The following UFSP2 variants were observed in gnomAD, a reference collection of about 807,000 sequenced individuals.
The protein encoded by UFSP2 is ufm1-specific protease 2.
A neutral mutation model predicts 60.2 loss-of-function variants in UFSP2; 43 were observed. The observed-to-expected ratio is 0.71, with a 90% CI of 0.56 to 0.92. The LOEUF is 0.92. UFSP2 is among the 40% of genes least tolerant of loss of function. The pLI is 0.00. For synonymous variants in UFSP2, 183 were observed against 195.1 expected, an observed-to-expected ratio of 0.94 and a Z score of 0.52; for missense variants, 520 against 575.0, an observed-to-expected ratio of 0.90 and a Z score of 0.98.
At chr4:185,413,612 A>G in intron 7 of UFSP2, 114 bp downstream of exon 7, 3 of 1,052,038 alleles carry the variant, frequency 2.9e-6, no homozygotes, top group East Asian at 5.2e-5. Context: ...TGGGTGATAA[A>G]TCATGTTTTA....
In UFSP2 at chr4:185,403,596, T is replaced by G; in HGVS notation, c.1221A>C (p.Thr407=). ...TCTCATTCCATGCAACTCCTAGTAT[T>G]GTGTGGGCCAAAACTCCTCCCCCTA... ...VMIGGGVLAH[T]ILGVAWNEIT... The change falls in exon 11 of 12, where the codon ACA becomes ACC. Residue 407 remains threonine, a synonymous_variant. Transcript: ENST00000264689. 1 of 1,613,196 alleles carries G rather than the reference T, an allele frequency of 6.2e-7. No homozygotes were observed. Among genetic ancestry groups the G allele is most frequent in the Non-Finnish European group, 8.5e-7 (1 of 1,179,752 alleles).
At chr4:185,418,383 G>T in intron 4 of UFSP2, 58 bp downstream of exon 4, 2 of 1,347,124 alleles carry the variant, frequency 1.5e-6, no homozygotes, top group Non-Finnish European at 1.0e-6. Flanking sequence ...ATTGCACTCA[G>T]TTCCAAATCC....
chr4:185,422,121 AAG>A (rs1182489497), intron 2 of UFSP2, among the ~76,000 whole-genome samples: 2 of 152,206 alleles, frequency 1.3e-5, no homozygotes, highest in Non-Finnish European at 2.9e-5. Context: ...TGTAGTATTT[AAG>A]AGAGTAGGTT....
chr4:185,404,829 G>A (rs1484003809), intron 10 of UFSP2, among the ~76,000 whole-genome samples: 2 of 150,476 alleles, frequency 1.3e-5, no homozygotes, highest in Non-Finnish European at 1.5e-5. Flanking sequence ...CAAGTGATCC[G>A]CCCGCCTCAG....
intron 11 of UFSP2, chr4:185,402,302 T>C (rs951084019): frequency 6.6e-6 from 3 of 455,252 alleles, no homozygotes; most frequent in African/African-American, 6.0e-5. Context: ...GTAAGATACA[T>C]GCACCAGTCA....
Position 185,425,853 on chromosome 4 carries a change from C to G in UFSP2, c.3+13G>C. On this transcript the variant is annotated intron_variant, in intron 1 of 11. Coordinates refer to ENST00000264689, the MANE Select transcript of UFSP2 (RefSeq NM_018359.5). Reference sequence around the variant, plus strand: ...GAAAAACACAGGGGTCGGTGACGAGCAGAGATACTCACCATGTCCGCGACG... The same window carrying G: ...GAAAAACACAGGGGTCGGTGACGAGGAGAGATACTCACCATGTCCGCGACG... 1 of 1,603,976 alleles carries G rather than the reference C, an allele frequency of 6.2e-7. No homozygotes were observed. Among genetic ancestry groups the G allele is most frequent in the East Asian group, 2.3e-5 (1 of 44,330 alleles).
intron 10 of UFSP2, among the ~76,000 whole-genome samples, chr4:185,404,904 A>G (rs1352818946): frequency 6.6e-6 from 1 of 152,088 alleles, no homozygotes; most frequent in African/African-American, 2.4e-5. Flanking sequence ...ATTTTAAAAC[A>G]TAAGCTCATA....
In UFSP2 at chr4:185,418,604, G is replaced by A. The variant is rs1386562388; in HGVS notation, c.249C>T (p.Asn83=). Residue 83 remains asparagine (N), a synonymous_variant, in exon 3 of 12, where the codon AAC becomes AAT. Transcript: ENST00000264689. Reference sequence around the variant, plus strand: ...ATACTCACTGAATAAAGCGCAGTATGTTCTTACAAGCAGAAGCATCAGTCA... The same window carrying A: ...ATACTCACTGAATAAAGCGCAGTATATTCTTACAAGCAGAAGCATCAGTCA... ...GELTDASACK[N]ILRFIQFEPE... 1 of 1,613,306 alleles carries A rather than the reference G, an allele frequency of 6.2e-7. No homozygotes were observed. Among genetic ancestry groups the A allele is most frequent in the South Asian group, 1.1e-5 (1 of 90,792 alleles).
Position 185,425,886 on chromosome 4 carries a change from G to A in UFSP2, c.-18C>T, listed in dbSNP as rs182642323. 663 of 1,599,588 alleles carry A rather than the reference G, an allele frequency of 4.1e-4. 2 individuals carry two copies. The African/African-American group carries it at 7.7e-3, about 19-fold the overall frequency. ...CTCACCATGTCCGCGACGTGGCGGT[G>A]ACACGGGCGCTGACGCCTGCCCAAA... On this transcript the variant is annotated 5_prime_UTR_variant, in exon 1 of 12. Coordinates refer to ENST00000264689, the MANE Select transcript of UFSP2 (RefSeq NM_018359.5).
chr4:185,413,015 T>C (rs116684273), intron 7 of UFSP2, among the ~76,000 whole-genome samples: 7,757 of 152,168 alleles, frequency 0.051, 246 homozygotes, highest in South Asian at 0.088. Context: ...ATTAGACTTA[T>C]CCTACAGTGG....
chr4:185,406,405 T>C (rs1245970003), intron 9 of UFSP2, among the ~76,000 whole-genome samples: 1 of 152,204 alleles, frequency 6.6e-6, no homozygotes, highest in Non-Finnish European at 1.5e-5. Context: ...TCAGAATTTT[T>C]ACTTTTGAAA....
chr4:185,416,276 G>A (rs1265399196), intron 4 of UFSP2, among the ~76,000 whole-genome samples: 4 of 152,218 alleles, frequency 2.6e-5, no homozygotes, highest in African/African-American at 7.2e-5. Context: ...ACTGGGGTTC[G>A]TTACATGATT....
In UFSP2 at chr4:185,399,751, ACC is replaced by A; in HGVS notation, c.*639_*640del. On this transcript the variant is annotated 3_prime_UTR_variant, in exon 12 of 12. Coordinates refer to ENST00000264689, the MANE Select transcript of UFSP2 (RefSeq NM_018359.5). ...ACGGAGTCTCGGAAGTGTAGAAAAT[ACC>A]AGTGGGAAAAGGAAGTGCTGGTAAG... 6.2e-7 allele frequency: 1 copy of A among 1,613,970 alleles called. No individual in the cohort carries two copies.
chr4:185,413,570 C>A (rs1365402515), intron 7 of UFSP2, among the ~76,000 whole-genome samples, 156 bp downstream of exon 7: 5 of 152,180 alleles, frequency 3.3e-5, no homozygotes, highest in Admixed American at 3.3e-4. Flanking sequence ...TTTTTAATTA[C>A]TGCTATCTTA....
Position 185,425,919 on chromosome 4 carries a change from G to T in UFSP2, c.-51C>A, listed in dbSNP as rs11132303. On this transcript the variant is annotated 5_prime_UTR_variant, in exon 1 of 12. Coordinates refer to ENST00000264689, the MANE Select transcript of UFSP2 (RefSeq NM_018359.5). The stretch of plus-strand genomic sequence containing the variant: ...CGCTGACGCCTGCCCAAAAGTTCCG[G>T]GGGCCGGCCCTGAAGTGGTGTCACC... 2 of 1,573,540 alleles carry T rather than the reference G, an allele frequency of 1.3e-6. No individual in the cohort carries two copies. Among genetic ancestry groups the T allele is most frequent in the Non-Finnish European group, 1.7e-6 (2 of 1,159,780 alleles).
At chr4:185,415,588 C>G in intron 5 of UFSP2, 122 bp downstream of exon 5, 1 of 945,456 alleles carries the variant, frequency 1.1e-6, no homozygotes, top group Non-Finnish European at 1.5e-6. Context: ...TAATAGATGG[C>G]TCTTAGGTTA....
intron 8 of UFSP2, 77 bp from the exon 9 acceptor site, chr4:185,408,137 T>C: frequency 6.4e-7 from 1 of 1,554,676 alleles, no homozygotes; most frequent in Non-Finnish European, 8.8e-7. Context: ...TTTTCCCTGA[T>C]TACCAGTACA....
chr4:185,416,720 G>A (rs576634056), intron 4 of UFSP2, among the ~76,000 whole-genome samples: 38 of 152,318 alleles, frequency 2.5e-4, no homozygotes, highest in Admixed American at 1.5e-3. Context: ...TGATGGGTAG[G>A]AAGTGCCCAA....
intron 2 of UFSP2, among the ~76,000 whole-genome samples, chr4:185,420,737 AAAGTT>A (rs1372155123): frequency 2.6e-5 from 4 of 152,218 alleles, no homozygotes; most frequent in African/African-American, 9.6e-5. Flanking sequence ...TGAAGCCTTT[AAAGTT>A]AAGCATGTCC....
Sources: gnomAD v4.1 joint callset for allele counts (sites outside exome capture counted in the v4.1 genomes callset) on GRCh38, gnomAD v4.1.1 for gene constraint, MANE v1.5 for transcripts, NCBI Gene and HGNC (gene_info 2026-07-23, HGNC 2026-07-21) for gene names.